Variants in THSD7B observed in about 807,000 individuals in gnomAD.
THSD7B encodes thrombospondin type-1 domain-containing protein 7B.
A neutral mutation model predicts 213.6 loss-of-function variants in THSD7B; 138 were observed. The observed-to-expected ratio is 0.65, with a 90% CI of 0.56 to 0.74. The LOEUF (loss-of-function observed/expected upper bound fraction) is 0.74. Ranked by LOEUF, THSD7B falls within the 30% of genes least tolerant of loss-of-function variation. The pLI is 0.00. For synonymous variants in THSD7B, 742 were observed against 687.0 expected (o/e 1.08, Z -1.25); for missense variants, 1,931 against 1,991.5 (o/e 0.97, Z 0.58).
At chr2:136,958,761 G>T (rs1157117442) in intron 2 of THSD7B, among the ~76,000 whole-genome samples, 2 of 152,216 alleles carry the variant, frequency 1.3e-5, no homozygotes, top group African/African-American at 4.8e-5. Context: ...CAGTTGATTA[G>T]ATCAAGCTTA....
intron 12 of THSD7B, among the ~76,000 whole-genome samples, chr2:137,339,739 CTGT>C (rs1188217666): frequency 6.6e-6 from 1 of 151,540 alleles, no homozygotes; most frequent in Admixed American, 6.6e-5. Flanking sequence ...AGGGAAAGGG[CTGT>C]TGTTTTTTCT....
intron 6 of THSD7B, among the ~76,000 whole-genome samples, chr2:137,162,925 A>G (rs748158643): frequency 2.0e-4 from 31 of 152,186 alleles, no homozygotes; most frequent in Non-Finnish European, 4.0e-4. Flanking sequence ...ATGTCTGATT[A>G]ATTTTTGTGT....
At chr2:136,867,535 T>C (rs561328304) in intron 1 of THSD7B, among the ~76,000 whole-genome samples, 17 of 152,330 alleles carry the variant, frequency 1.1e-4, no homozygotes, top group African/African-American at 4.1e-4. Flanking sequence ...AAAGAATATA[T>C]TATATAGTAA....
chr2:136,994,351 G>A (rs1431470665), intron 2 of THSD7B, among the ~76,000 whole-genome samples: 1 of 152,148 alleles, frequency 6.6e-6, no homozygotes, highest in Non-Finnish European at 1.5e-5. Flanking sequence ...CAGATCACGA[G>A]GTTAGGAGAT....
intron 1 of THSD7B, among the ~76,000 whole-genome samples, chr2:136,873,610 C>A (rs1385848666): frequency 6.6e-6 from 1 of 152,196 alleles, no homozygotes; most frequent in African/African-American, 2.4e-5. Flanking sequence ...GAAAAATCAT[C>A]TTCCACTATT....
chr2:137,399,070 T>C (rs192410294), intron 12 of THSD7B, among the ~76,000 whole-genome samples: 5,897 of 151,782 alleles, frequency 0.039, 177 homozygotes, highest in Middle Eastern at 0.062. Context: ...TGTCTGGCAC[T>C]CCCTAGTGAG....
chr2:136,793,829 A>G (rs1346370), intron 1 of THSD7B, among the ~76,000 whole-genome samples: 4,708 of 151,822 alleles, frequency 0.031, 237 homozygotes, highest in African/African-American at 0.11. Flanking sequence ...TTTATTCCAT[A>G]AGGGAGTATG....
At chr2:137,657,875 C>T (rs910125102) in intron 24 of THSD7B, among the ~76,000 whole-genome samples, 2 of 152,136 alleles carry the variant, frequency 1.3e-5, no homozygotes, top group African/African-American at 2.4e-5. Flanking sequence ...CCACCACGCC[C>T]AGCTAATTTT....
chr2:137,204,180 T>A (rs368190182), intron 7 of THSD7B, among the ~76,000 whole-genome samples: 2 of 152,020 alleles, frequency 1.3e-5, no homozygotes, highest in East Asian at 1.9e-4. Context: ...TGGAAAAAAA[T>A]TCCCAATATG....
At chr2:137,130,635 T>G (rs1688712265) in intron 5 of THSD7B, among the ~76,000 whole-genome samples, 1 of 150,656 alleles carries the variant, frequency 6.6e-6, no homozygotes, top group Non-Finnish European at 1.5e-5. Flanking sequence ...GGTGTTTGGT[T>G]TTTTGTCCTT....
At chr2:137,652,416 C>A (rs1683158274) in intron 21 of THSD7B, among the ~76,000 whole-genome samples, 2 of 151,814 alleles carry the variant, frequency 1.3e-5, no homozygotes, top group Non-Finnish European at 2.9e-5. Context: ...TTTTTTTATT[C>A]TTTCACTTTC....
At chr2:137,633,955 C>A (rs190358384) in intron 20 of THSD7B, among the ~76,000 whole-genome samples, 2 of 152,186 alleles carry the variant, frequency 1.3e-5, no homozygotes, top group East Asian at 3.9e-4. Context: ...TTGAACATGG[C>A]CATCTACTAA....
chr2:137,458,722 T>C (rs542479059), intron 15 of THSD7B, among the ~76,000 whole-genome samples: 10 of 152,298 alleles, frequency 6.6e-5, no homozygotes, highest in African/African-American at 2.2e-4. Context: ...TCCTCAAAAA[T>C]TGATGTGCAT....
Position 137,272,593 on chromosome 2 carries a change from G to T in THSD7B, c.2327G>T (p.Gly776Val). 6.2e-7 allele frequency: 1 copy of T among 1,612,156 alleles called. No homozygotes were observed. Among genetic ancestry groups the T allele is most frequent in the Non-Finnish European group, 8.5e-7 (1 of 1,178,986 alleles). ...RIIIQEAANG[G>V]QECPDTLYEE... ...ATCATCCAAGAAGCAGCCAATGGAG[G>T]CCAGGAATGCCCAGATACCTTATAT... is the stretch of plus-strand genomic sequence containing the variant. Residue 776 changes from glycine to valine, a missense_variant, in exon 11 of 28, where the codon GGC (glycine) becomes GTC (valine). Physicochemically the swap from Gly to Val is moderately radical, Grantham distance 109. Coordinates refer to ENST00000409968, the MANE Select transcript of THSD7B (RefSeq NM_001316349.2).
chr2:137,355,143 C>T (rs189738078), intron 12 of THSD7B, among the ~76,000 whole-genome samples: 1 of 152,124 alleles, frequency 6.6e-6, no homozygotes, highest in Admixed American at 6.5e-5. Context: ...AATATTTATG[C>T]TTTTTTAAGA....
intron 1 of THSD7B, among the ~76,000 whole-genome samples, chr2:136,881,017 C>T (rs1280109038): frequency 6.6e-6 from 1 of 152,118 alleles, no homozygotes; most frequent in East Asian, 1.9e-4. Context: ...GTGTCCTTCA[C>T]AGCAACCACC....
chr2:137,398,816 A>T (rs543684289), intron 12 of THSD7B, among the ~76,000 whole-genome samples: 1 of 152,308 alleles, frequency 6.6e-6, no homozygotes, highest in Non-Finnish European at 1.5e-5. Flanking sequence ...AATCAGCGAG[A>T]TTCCGTGGGC....
At chr2:137,360,664 T>C (rs57163005) in intron 12 of THSD7B, among the ~76,000 whole-genome samples, 4,396 of 152,244 alleles carry the variant, frequency 0.029, 224 homozygotes, top group African/African-American at 0.1. Context: ...GAGGGGCGTC[T>C]GCCATTGCTG....
chr2:136,869,414 T>A (rs2370192), intron 1 of THSD7B, among the ~76,000 whole-genome samples: 2,098 of 152,342 alleles, frequency 0.014, 30 homozygotes, highest in Non-Finnish European at 0.021. Context: ...CATTTGTCTG[T>A]AAACTAAATA....
Sources: gnomAD v4.1 joint callset for allele counts (sites outside exome capture counted in the v4.1 genomes callset) on GRCh38, gnomAD v4.1.1 for gene constraint, MANE v1.5 for transcripts, NCBI Gene and HGNC (gene_info 2026-07-23, HGNC 2026-07-21) for gene names.